FEZ2: variants seen among roughly 807,000 people sequenced by gnomAD.
The protein encoded by FEZ2 is fasciculation and elongation protein zeta-2.
FEZ2 carries 51 observed loss-of-function variants against 40.4 expected under a neutral mutation model. That is an observed-to-expected ratio of 1.26 (90% confidence interval 1.01 to 1.59). FEZ2 has a LOEUF of 1.59. Among genes scored for constraint, FEZ2 ranks in the 40% most tolerant of loss-of-function variants. The probability of loss-of-function intolerance (pLI) is 0.00; values close to 1 mark genes in which losing one functional copy is unlikely to be tolerated. For missense variants in FEZ2, 640 were observed against 438.3 expected (o/e 1.46, Z -4.11); for synonymous variants, 242 against 172.0 (o/e 1.41, Z -3.18).
At chr2:36,587,464 A>T (rs544859150) in intron 2 of FEZ2, among the ~76,000 whole-genome samples, 3 of 152,358 alleles carry the variant, frequency 2.0e-5, no homozygotes, top group South Asian at 4.1e-4. Context: ...AAAACTGAAG[A>T]TACATCAAAT....
At chr2:36,565,504 C>G (rs1668211108) in intron 5 of FEZ2, among the ~76,000 whole-genome samples, 1 of 152,086 alleles carries the variant, frequency 6.6e-6, no homozygotes, top group African/African-American at 2.4e-5. Flanking sequence ...GCCTGCATTT[C>G]CCCAGATGTC....
chr2:36,581,666 T>A, intron 3 of FEZ2: 1 of 440,062 alleles, frequency 2.3e-6, no homozygotes, highest in Non-Finnish European at 4.3e-6. Context: ...TTGGATTTAC[T>A]ACGTCCATCA....
chr2:36,552,531 A>G lies in FEZ2; in HGVS notation c.*632T>C, dbSNP rs1275451781. 1 of 244,862 alleles carries G rather than the reference A, an allele frequency of 4.1e-6. No homozygotes were observed. The highest frequency in any genetic ancestry group is 8.1e-6 in the Non-Finnish European group (1 of 123,180). The allele number at this position is 244,862 out of a possible 1,614,324, so 15.2% of individuals were successfully genotyped here. A position where few individuals can be genotyped will look rare whatever the true frequency, so the allele number is the denominator to read the frequency against. The stretch of plus-strand genomic sequence containing the variant: ...AATCAAAACTTAAATACAAGATTCT[A>G]AAAGTGAATGGCAATTTAATGGTTA... On this transcript the variant is annotated 3_prime_UTR_variant, in exon 8 of 8. Transcript: ENST00000405912.
At chr2:36,596,056 T>G (rs779430978) in intron 1 of FEZ2, among the ~76,000 whole-genome samples, 26 of 152,182 alleles carry the variant, frequency 1.7e-4, no homozygotes, top group Admixed American at 7.9e-4. Context: ...AGTATCTAAA[T>G]CTACATATAC....
chr2:36,573,808 A>G (rs955059961), intron 5 of FEZ2, among the ~76,000 whole-genome samples: 4 of 152,204 alleles, frequency 2.6e-5, no homozygotes, highest in Admixed American at 6.5e-5. Context: ...GATCAAACCC[A>G]TTGTTTGCCT....
chr2:36,561,976 CTCAGGAGT>C (rs1381497203), intron 5 of FEZ2, among the ~76,000 whole-genome samples: 5 of 152,234 alleles, frequency 3.3e-5, no homozygotes, highest in South Asian at 2.1e-4. Flanking sequence ...CTGAAATCCT[CTCAGGAGT>C]TCAGGAGTTC....
intron 1 of FEZ2, chr2:36,594,622 C>G (rs1669160542): frequency 6.5e-6 from 1 of 153,376 alleles, no homozygotes; most frequent in African/African-American, 2.4e-5. Flanking sequence ...ATCCCTCCCA[C>G]AACACGTGGG....
intron 5 of FEZ2, among the ~76,000 whole-genome samples, chr2:36,566,404 A>C (rs1037013130): frequency 1.3e-5 from 2 of 152,142 alleles, no homozygotes; most frequent in African/African-American, 4.8e-5. Context: ...ATCTAAAGAG[A>C]AACAATAAAG....
chr2:36,597,730 G>T lies in FEZ2; in HGVS notation c.266+147C>A, dbSNP rs911097049. On this transcript the variant is annotated intron_variant, in intron 1 of 7. Transcript: ENST00000405912. The stretch of plus-strand genomic sequence containing the variant: ...TTAAATTGCTGGGCGAGCCGAGGCC[G>T]ACGGCCGGAGGAAGGAGGCGAGAGG... The T allele has an allele frequency of 1.2e-4, 69 of 581,214 alleles. No homozygotes were observed. In the East Asian group the frequency reaches 2.3e-3, roughly 19 times the overall value. 36.0% of individuals were successfully genotyped at this position (581,214 alleles called of 1,614,324 possible).
At chr2:36,558,715 C>T (rs1573000028) in intron 5 of FEZ2, 1 of 368,438 alleles carries the variant, frequency 2.7e-6, no homozygotes, top group African/African-American at 2.1e-5. Context: ...CTATTTGCTT[C>T]ATACAAACCT....
In FEZ2 at chr2:36,553,055, G is replaced by T; in HGVS notation, c.*108C>A. The T allele has an allele frequency of 1.1e-6, 1 of 888,976 alleles. No individual in the cohort carries two copies. 55.1% of individuals were successfully genotyped at this position (888,976 alleles called of 1,614,324 possible). Reference sequence around the variant, plus strand: ...TCTGTTAATACTGAATCAAACCCAAGTTCAAATGTGCTGAGTTTCCAATAG... The same window carrying T: ...TCTGTTAATACTGAATCAAACCCAATTTCAAATGTGCTGAGTTTCCAATAG... On this transcript the variant is annotated 3_prime_UTR_variant, in exon 8 of 8. Coordinates refer to ENST00000405912, the MANE Select transcript of FEZ2 (RefSeq NM_005102.3).
At chr2:36,559,549 A>C (rs1222818190) in intron 5 of FEZ2, among the ~76,000 whole-genome samples, 1 of 152,232 alleles carries the variant, frequency 6.6e-6, no homozygotes, top group African/African-American at 2.4e-5. Context: ...GCATAGTTCA[A>C]TCTCTGAGAC....
chr2:36,576,846 G>A (rs1396723145), intron 5 of FEZ2, among the ~76,000 whole-genome samples: 1 of 152,152 alleles, frequency 6.6e-6, no homozygotes, highest in East Asian at 1.9e-4. Flanking sequence ...TTTTACATGG[G>A]AGTTACAAAA....
intron 5 of FEZ2, among the ~76,000 whole-genome samples, chr2:36,567,761 C>CAA (rs201650768): frequency 1.1e-4 from 13 of 115,800 alleles, no homozygotes; most frequent in African/African-American, 3.1e-4. Flanking sequence ...GACTCTGTCT[C>CAA]AAAAAAAAAA....
rs773237572 is a variant in FEZ2, at chr2:36,598,158, T to C, written c.-16A>G. On this transcript the variant is annotated 5_prime_UTR_variant, in exon 1 of 8. Transcript: ENST00000405912. ...CCGCCGCCATCGCCGCCCGGAGCAG[T>C]CGCGCGCCCCGCCCAGGCCGGCCCA... is the stretch of plus-strand genomic sequence containing the variant. 8.5e-5 allele frequency: 121 copies of C among 1,428,860 alleles called. No individual in the cohort carries two copies. The South Asian group carries it at 1.6e-3, about 19-fold the overall frequency. The allele number at this position is 1,428,860 out of a possible 1,614,324, so 88.5% of individuals were successfully genotyped here. A position where few individuals can be genotyped will look rare whatever the true frequency, so the allele number is the denominator to read the frequency against.
intron 1 of FEZ2, among the ~76,000 whole-genome samples, chr2:36,593,887 A>G (rs1669141346): frequency 6.6e-6 from 1 of 151,890 alleles, no homozygotes; most frequent in South Asian, 2.1e-4. Flanking sequence ...AAATTTTCCA[A>G]ACTTTTATGC....
intron 1 of FEZ2, among the ~76,000 whole-genome samples, chr2:36,594,952 G>A (rs139819990): frequency 1.3e-5 from 2 of 152,216 alleles, no homozygotes; most frequent in Admixed American, 6.5e-5. Flanking sequence ...CAACTCTAGT[G>A]AAAGATTTCT....
intron 1 of FEZ2, among the ~76,000 whole-genome samples, chr2:36,593,923 C>T (rs138492013): frequency 4.0e-4 from 61 of 151,728 alleles, no homozygotes; most frequent in Non-Finnish European, 7.4e-4. Flanking sequence ...AAACTGAATA[C>T]GTTTAATAGC....
At chr2:36,571,128 G>C (rs1270070803) in intron 5 of FEZ2, among the ~76,000 whole-genome samples, 1 of 151,944 alleles carries the variant, frequency 6.6e-6, no homozygotes, top group African/African-American at 2.4e-5. Context: ...TATTTCTCTA[G>C]GTAATATTAT....
Sources: gnomAD v4.1 joint callset for allele counts (sites outside exome capture counted in the v4.1 genomes callset) on GRCh38, gnomAD v4.1.1 for gene constraint, MANE v1.5 for transcripts, NCBI Gene and HGNC (gene_info 2026-07-23, HGNC 2026-07-21) for gene names.